MYH11: variants seen among roughly 807,000 people sequenced by gnomAD.
MYH11 encodes the protein myosin-11.
MYH11 carries 80 observed loss-of-function variants against 246.6 expected under a neutral mutation model. That is an observed-to-expected ratio of 0.32 (90% confidence interval 0.27 to 0.39). MYH11 has a LOEUF of 0.39. Among genes scored for constraint, MYH11 ranks in the 10% least tolerant of loss-of-function variants. MYH11 has a pLI of 1.00. For missense variants in MYH11, 2,158 were observed against 2,546.8 expected (o/e 0.85, Z 3.29); for synonymous variants, 1,071 against 1,015.5 (o/e 1.05, Z -1.04).
chr16:15,739,144 G>C (rs1421785173), intron 23 of MYH11, among the ~76,000 whole-genome samples: 1 of 151,182 alleles, frequency 6.6e-6, no homozygotes, highest in Non-Finnish European at 1.5e-5. Flanking sequence ...CTGTCGCCCA[G>C]GGTGGAGTGC....
chr16:15,771,170 T>G (rs984270662), intron 9 of MYH11, among the ~76,000 whole-genome samples: 8 of 152,056 alleles, frequency 5.3e-5, no homozygotes, highest in African/African-American at 1.9e-4. Context: ...AATTTTTTTT[T>G]TGTATTTTTA....
At chr16:15,831,465 GT>G (rs2043736123) in intron 2 of MYH11, among the ~76,000 whole-genome samples, 5 of 5,604 alleles carry the variant, frequency 8.9e-4, no homozygotes, top group African/African-American at 7.1e-3. Flanking sequence ...TATGTTTGGG[GT>G]GTGTGTGTGT....
chr16:15,730,253 G>T (rs1473621598), intron 27 of MYH11, among the ~76,000 whole-genome samples: 1 of 151,586 alleles, frequency 6.6e-6, no homozygotes, highest in Non-Finnish European at 1.5e-5. Flanking sequence ...CAATCTCAGG[G>T]TGGTGCAGTG....
chr16:15,707,243 G>T (rs1279515453), intron 40 of MYH11, among the ~76,000 whole-genome samples: 1 of 152,164 alleles, frequency 6.6e-6, no homozygotes, highest in African/African-American at 2.4e-5. Flanking sequence ...TACCATGTTG[G>T]CCAGGCTGGT....
At chr16:15,801,061 T>C (rs2042873554) in intron 3 of MYH11, among the ~76,000 whole-genome samples, 1 of 151,400 alleles carries the variant, frequency 6.6e-6, no homozygotes, top group African/African-American at 2.4e-5. Context: ...CAAAAATTAG[T>C]TGGGTGTCAT....
chr16:15,748,867 C>T (rs2041491489), intron 16 of MYH11, among the ~76,000 whole-genome samples: 1 of 152,136 alleles, frequency 6.6e-6, no homozygotes, highest in Non-Finnish European at 1.5e-5. Flanking sequence ...GATCCTCCCA[C>T]CTCAACCTCC....
chr16:15,722,291 C>T (rs922610010), intron 31 of MYH11, among the ~76,000 whole-genome samples: 1 of 152,168 alleles, frequency 6.6e-6, no homozygotes, highest in Non-Finnish European at 1.5e-5. Context: ...TAATATCTTA[C>T]AAAAGTATCC....
intron 40 of MYH11, among the ~76,000 whole-genome samples, chr16:15,710,377 C>T (rs1300520335): frequency 2.0e-5 from 3 of 152,096 alleles, no homozygotes; most frequent in Non-Finnish European, 4.4e-5. Context: ...AAAAATTAGC[C>T]AGGTGTGGTG....
At position 15,741,651 on chromosome 16, in the gene MYH11, G is replaced by C; in HGVS notation, c.2671C>G (p.Leu891Val). 1 of 1,613,686 alleles carries C rather than the reference G, an allele frequency of 6.2e-7. No individual in the cohort carries two copies. ...TCTGCCTGCAGCTGTTCCTGTAGCA[G>C]GTTCTTCTCCTCGGTCAGCTGCACG... Reference protein sequence around the residue: ...KHSQLTEEKNLLQEQLQAETE... With the variant: ...KHSQLTEEKNVLQEQLQAETE... The change falls in exon 22 of 41, where the codon CTG (leucine) becomes GTG (valine). Residue 891 changes from leucine (L) to valine (V), a missense_variant. Physicochemically the swap from Leu to Val is conservative, Grantham distance 32. This residue lies in a region of MYH11 where 284 missense variants were observed against 315.4 expected (regional missense o/e 0.90). Transcript: ENST00000300036.
chr16:15,739,982 T>C, intron 23 of MYH11, 69 bp downstream of exon 23: 1 of 1,553,340 alleles, frequency 6.4e-7, no homozygotes, highest in Non-Finnish European at 8.8e-7. Flanking sequence ...CCTCAAGTGA[T>C]CCACATACCT....
At chr16:15,825,806 A>G (rs562788872) in intron 2 of MYH11, among the ~76,000 whole-genome samples, 1 of 151,926 alleles carries the variant, frequency 6.6e-6, no homozygotes, top group East Asian at 1.9e-4. Flanking sequence ...TGGATACTAG[A>G]TTTTCCCATG....
At chr16:15,792,490 T>C (rs1418846274) in intron 4 of MYH11, 1 of 152,236 alleles carries the variant, frequency 6.6e-6, no homozygotes, top group Non-Finnish European at 1.5e-5. Context: ...AAACTCTTTT[T>C]GTAAAAGGTC....
At chr16:15,719,089 C>T in intron 36 of MYH11, 131 bp downstream of exon 36, 2 of 871,440 alleles carry the variant, frequency 2.3e-6, no homozygotes, top group Non-Finnish European at 3.7e-6. Context: ...GATTGTGCCA[C>T]TGCCCTCCAG....
chr16:15,788,814 G>GTA (rs1327557473), intron 4 of MYH11, among the ~76,000 whole-genome samples: 2 of 112,766 alleles, frequency 1.8e-5, no homozygotes, highest in African/African-American at 6.6e-5. Context: ...GTGTGTGTGT[G>GTA]TGTGTGTGTG....
Position 15,714,953 on chromosome 16 carries a change from G to T in MYH11, c.5742C>A (p.Asn1914Lys), listed in dbSNP as rs146391904. 6.2e-7 allele frequency: 1 copy of T among 1,613,982 alleles called. No homozygotes were observed. Among genetic ancestry groups the T allele is most frequent in the South Asian group, 1.1e-5 (1 of 91,092 alleles). ...QRELDEATESNEAMGREVNAL... is the reference protein window; with the variant it reads ...QRELDEATESKEAMGREVNAL... ...CGTTCACCTCGCGGCCCATGGCCTC[G>T]TTGCTCTCCGTGGCCTCATCCAGCT... Residue 1914 changes from asparagine to lysine, a missense_variant, in exon 40 of 41, where the codon AAC (asparagine) becomes AAA (lysine). Physicochemically the swap from Asn to Lys is moderately conservative, Grantham distance 94. Around this residue, in one of 11 missense-constraint regions of MYH11, gnomAD observed 1,013 missense variants for 993.5 expected, o/e 1.02. Coordinates refer to ENST00000300036, the MANE Select transcript of MYH11 (RefSeq NM_002474.3).
At chr16:15,758,126 C>T (rs1023085309) in intron 12 of MYH11, 126 bp from the exon 13 acceptor site, 21 of 1,421,556 alleles carry the variant, frequency 1.5e-5, no homozygotes, top group South Asian at 3.5e-5. Context: ...GCCATCCCAG[C>T]ACCCAGACAG....
intron 5 of MYH11, chr16:15,786,417 C>T: frequency 1.3e-6 from 1 of 757,748 alleles, no homozygotes; most frequent in South Asian, 1.4e-5. Flanking sequence ...AAACGGGCCC[C>T]CTTCTGGAGG....
At chr16:15,782,128 A>C (rs965081353) in intron 6 of MYH11, among the ~76,000 whole-genome samples, 2 of 152,074 alleles carry the variant, frequency 1.3e-5, no homozygotes, top group Non-Finnish European at 2.9e-5. Context: ...TGATCCTCCC[A>C]CCTCAGCCTC....
At chr16:15,777,454 G>A (rs2042250798) in intron 7 of MYH11, among the ~76,000 whole-genome samples, 2 of 152,152 alleles carry the variant, frequency 1.3e-5, no homozygotes, top group African/African-American at 4.8e-5. Context: ...CCCAAGTGAT[G>A]CTGATGCTGC....
Sources: allele counts gnomAD v4.1 joint callset (sites outside exome capture counted in the v4.1 genomes callset), GRCh38; gene constraint gnomAD v4.1.1; regional missense constraint gnomAD v4.1.1; transcripts MANE v1.5; gene names NCBI Gene and HGNC (gene_info 2026-07-23, HGNC 2026-07-21).